The following LRRC37A2 variants were observed in gnomAD, a reference collection of about 807,000 sequenced individuals.
LRRC37A2 encodes the protein leucine-rich repeat-containing protein 37A2.
LRRC37A2 carries 9 observed loss-of-function variants against 68.8 expected under a neutral mutation model. That is an observed-to-expected ratio of 0.13 (90% CI 0.08 to 0.23). The LOEUF (loss-of-function observed/expected upper bound fraction) is 0.23, where lower values mean the gene tolerates loss of function less well. Ranked by LOEUF, LRRC37A2 falls within the 10% of genes least tolerant of loss-of-function variation. The pLI is 1.00. For synonymous variants in LRRC37A2, 63 were observed against 367.6 expected, an observed-to-expected ratio of 0.17 and a Z score of 9.48; for missense variants, 168 against 950.4, an observed-to-expected ratio of 0.18 and a Z score of 10.82.
the LRRC37A2 span, among the ~76,000 whole-genome samples, chr17:46,797,143 A>C: frequency 1.3e-5 from 2 of 152,212 alleles, no homozygotes; most frequent in African/African-American, 2.4e-5. Context: ...AAATGAGAAC[A>C]ATAAACACCA....
At chr17:46,876,068 G>T in the LRRC37A2 span, among the ~76,000 whole-genome samples, 1 of 152,230 alleles carries the variant, frequency 6.6e-6, no homozygotes, top group African/African-American at 2.4e-5. Context: ...GCTGTGTTCA[G>T]TCGCGTAAGT....
At chr17:46,467,718 G>A in the LRRC37A2 span, among the ~76,000 whole-genome samples, 85 of 104,566 alleles carry the variant, frequency 8.1e-4, 24 homozygotes, top group African/African-American at 3.0e-3. Context: ...GGATATATAT[G>A]TGTGTTACAT....
chr17:46,504,861 CATTG>C, the LRRC37A2 span, among the ~76,000 whole-genome samples: 1 of 122,310 alleles, frequency 8.2e-6, no homozygotes, highest in African/African-American at 3.4e-5. Flanking sequence ...TGATTTAATA[CATTG>C]ATTTATTAAT....
At chr17:46,772,731 G>T in the LRRC37A2 span, among the ~76,000 whole-genome samples, 1 of 152,176 alleles carries the variant, frequency 6.6e-6, no homozygotes, top group African/African-American at 2.4e-5. Context: ...CGGTAAAGGG[G>T]AACTGCACTC....
chr17:46,730,587 A>G, the LRRC37A2 span, among the ~76,000 whole-genome samples: 2 of 152,166 alleles, frequency 1.3e-5, no homozygotes, highest in East Asian at 3.8e-4. Flanking sequence ...GGGAAGGAAC[A>G]TTATCTTATG....
At chr17:46,994,321 GTTGT>G in the LRRC37A2 span, among the ~76,000 whole-genome samples, 1 of 151,358 alleles carries the variant, frequency 6.6e-6, no homozygotes, top group Non-Finnish European at 1.5e-5. Context: ...GGAGGCGAAC[GTTGT>G]AGTGAGCTGA....
the LRRC37A2 span, chr17:46,769,927 C>A: frequency 4.3e-6 from 7 of 1,613,330 alleles, no homozygotes; most frequent in African/African-American, 9.3e-5. Flanking sequence ...CTTCGCCAGG[C>A]GGCCCCTTAT....
the LRRC37A2 span, among the ~76,000 whole-genome samples, chr17:47,002,979 T>C: frequency 2.0e-5 from 3 of 152,030 alleles, no homozygotes; most frequent in African/African-American, 7.3e-5. Context: ...AAGCTGGGTG[T>C]GATGGTTCAC....
At chr17:46,795,026 C>T in the LRRC37A2 span, among the ~76,000 whole-genome samples, 1 of 152,122 alleles carries the variant, frequency 6.6e-6, no homozygotes, top group South Asian at 2.1e-4. Context: ...ACTGGGATTA[C>T]AGGTGTGAGC....
the LRRC37A2 span, chr17:46,966,670 G>A: frequency 3.6e-6 from 2 of 555,764 alleles, no homozygotes; most frequent in Middle Eastern, 2.6e-4. Flanking sequence ...TTGAACTCAG[G>A]CTTGGATTTG....
At chr17:46,891,223 CT>C in the LRRC37A2 span, among the ~76,000 whole-genome samples, 1 of 152,172 alleles carries the variant, frequency 6.6e-6, no homozygotes, top group East Asian at 1.9e-4. Context: ...CATATTTAAC[CT>C]TTGTGTAGCG....
the LRRC37A2 span, among the ~76,000 whole-genome samples, chr17:46,985,223 G>T: frequency 6.4e-4 from 98 of 152,310 alleles, 1 homozygote; most frequent in East Asian, 0.018. Context: ...GAGGTTGAAG[G>T]CAGAGGGAAG....
the LRRC37A2 span, chr17:46,728,993 A>G: frequency 9.7e-7 from 1 of 1,030,778 alleles, no homozygotes. Flanking sequence ...TAAATCGCAT[A>G]TAATGATACA....
chr17:46,794,055 G>C, the LRRC37A2 span, among the ~76,000 whole-genome samples: 54 of 152,274 alleles, frequency 3.5e-4, no homozygotes, highest in African/African-American at 1.1e-3. Flanking sequence ...AATCTAACAG[G>C]CATGTTCATA....
At chr17:47,011,087 C>T in the LRRC37A2 span, among the ~76,000 whole-genome samples, 4 of 152,236 alleles carry the variant, frequency 2.6e-5, no homozygotes, top group East Asian at 7.7e-4. Context: ...AGGAAACAAG[C>T]CCACAAGGGT....
chr17:46,771,685 G>A, the LRRC37A2 span, among the ~76,000 whole-genome samples: 1 of 143,490 alleles, frequency 7.0e-6, no homozygotes, highest in South Asian at 2.1e-4. Context: ...AGCAACGGGC[G>A]GCTCCCGCGG....
At chr17:46,631,082 A>ACACACACACACACACACACACACACACG in the LRRC37A2 span, among the ~76,000 whole-genome samples, 50 of 142,074 alleles carry the variant, frequency 3.5e-4, no homozygotes, top group East Asian at 6.7e-4. Context: ...ACACACACAC[A>ACACACACACACACACACACACACACACG]CACACACACA....
the LRRC37A2 span, among the ~76,000 whole-genome samples, chr17:46,877,466 A>G: frequency 6.6e-5 from 10 of 152,130 alleles, no homozygotes; most frequent in African/African-American, 2.4e-4. Flanking sequence ...CAAAACTACC[A>G]CCAGTGCAGG....
At chr17:46,837,000 T>A in the LRRC37A2 span, among the ~76,000 whole-genome samples, 2 of 152,176 alleles carry the variant, frequency 1.3e-5, no homozygotes, top group Admixed American at 6.5e-5. Context: ...TGTAGTGCAG[T>A]GGCGTGATCT....
Sources: gnomAD v4.1 joint callset for allele counts (sites outside exome capture counted in the v4.1 genomes callset) on GRCh38, gnomAD v4.1.1 for gene constraint, MANE v1.5 for transcripts, NCBI Gene and HGNC (gene_info 2026-07-23, HGNC 2026-07-21) for gene names.